Variants in PRKAR1B observed in about 807,000 individuals in gnomAD.
PRKAR1B encodes cAMP-dependent protein kinase type I-beta regulatory subunit.
PRKAR1B carries 22 observed loss-of-function variants against 46.5 expected under a neutral mutation model. That is an observed-to-expected ratio of 0.47 (90% CI 0.34 to 0.68). PRKAR1B has a LOEUF of 0.68. Ranked by LOEUF, PRKAR1B falls within the 30% of genes least tolerant of loss-of-function variation. The pLI, the probability that PRKAR1B is intolerant of heterozygous loss-of-function variation, is 0.01. For synonymous variants in PRKAR1B, 259 were observed against 217.7 expected, an observed-to-expected ratio of 1.19 and a Z score of -1.67; for missense variants, 445 against 535.6, an observed-to-expected ratio of 0.83 and a Z score of 1.67.
chr7:663,914 G>C (rs67542008), intron 4 of PRKAR1B, among the ~76,000 whole-genome samples: 20,726 of 152,190 alleles, frequency 0.14, 1,567 homozygotes, highest in South Asian at 0.28. Flanking sequence ...TGCAGGGCCT[G>C]GTCTCAGGAG....
chr7:609,101 C>T (rs557592265), intron 4 of PRKAR1B, among the ~76,000 whole-genome samples: 1 of 152,118 alleles, frequency 6.6e-6, no homozygotes. Context: ...CTCCACTCTC[C>T]GCCCATGGGT....
chr7:609,596 G>A (rs570338308), intron 4 of PRKAR1B, among the ~76,000 whole-genome samples: 38 of 152,366 alleles, frequency 2.5e-4, no homozygotes, highest in African/African-American at 8.9e-4. Context: ...TGCATTTCCA[G>A]TGGTGTCTGC....
chr7:558,055 T>G (rs1236560398), intron 9 of PRKAR1B, among the ~76,000 whole-genome samples: 1 of 152,016 alleles, frequency 6.6e-6, no homozygotes, highest in African/African-American at 2.4e-5. Flanking sequence ...GGCTCACGCC[T>G]GTAATCCCAG....
rs1781658858 is a variant in PRKAR1B, at chr7:602,226, C to T, written c.549+3967G>A. ...GGAAACGGTCCCTGCTTTGAAGTGGCTCCGGCACCGGCCTCTCCCACCACC... is the reference window on the plus strand; with the variant it reads ...GGAAACGGTCCCTGCTTTGAAGTGGTTCCGGCACCGGCCTCTCCCACCACC... On this transcript the variant is annotated intron_variant, in intron 6 of 10. Coordinates refer to ENST00000537384, the MANE Select transcript of PRKAR1B (RefSeq NM_001164760.2). This position sits in a 1 kb window ranked among gnomAD's most constrained non-coding sequence, Gnocchi z 6.4. Among the ~76,000 whole-genome samples, 1 of 152,106 alleles carries T rather than the reference C, an allele frequency of 6.6e-6. No individual in the cohort carries two copies. Among genetic ancestry groups the T allele is most frequent in the Non-Finnish European group, 1.5e-5 (1 of 68,002 alleles).
chr7:663,510 T>C (rs1262570132), intron 4 of PRKAR1B, among the ~76,000 whole-genome samples: 1 of 152,180 alleles, frequency 6.6e-6, no homozygotes, highest in Non-Finnish European at 1.5e-5. Context: ...GTGCTGGGAT[T>C]ACAGGCGTGA....
intron 4 of PRKAR1B, among the ~76,000 whole-genome samples, chr7:620,045 G>A (rs1418078534): frequency 6.7e-6 from 1 of 149,892 alleles, no homozygotes; most frequent in Non-Finnish European, 1.5e-5. Context: ...TTAGAGATGG[G>A]GTTTCTCTGT....
intron 1 of PRKAR1B, 35 bp downstream of exon 1, chr7:727,175 C>T: frequency 7.5e-7 from 1 of 1,333,218 alleles, no homozygotes; most frequent in Non-Finnish European, 9.6e-7. Context: ...CTGGGCCTGG[C>T]CGTGGACCTG....
intron 2 of PRKAR1B, among the ~76,000 whole-genome samples, chr7:701,960 G>T (rs1313985296): frequency 6.6e-6 from 1 of 152,170 alleles, no homozygotes; most frequent in African/African-American, 2.4e-5. Context: ...AAATACCCAG[G>T]TACATCTTCT....
At chr7:626,943 C>G (rs754591231) in intron 4 of PRKAR1B, among the ~76,000 whole-genome samples, 1 of 152,128 alleles carries the variant, frequency 6.6e-6, no homozygotes, top group Admixed American at 6.6e-5. Flanking sequence ...GGCGTGATCT[C>G]GGCTCACTGC....
chr7:652,543 T>G (rs537962524), intron 4 of PRKAR1B, among the ~76,000 whole-genome samples: 45 of 152,236 alleles, frequency 3.0e-4, no homozygotes, highest in African/African-American at 1.1e-3. Flanking sequence ...GGAAGAAAGT[T>G]CATACCCACG....
At chr7:555,883 CG>C (rs1778395102) in intron 9 of PRKAR1B, among the ~76,000 whole-genome samples, 1 of 152,176 alleles carries the variant, frequency 6.6e-6, no homozygotes, top group Non-Finnish European at 1.5e-5. Context: ...GACGGGAGCC[CG>C]GGAGGCAGAC....
At chr7:630,997 G>C (rs113741952) in intron 4 of PRKAR1B, among the ~76,000 whole-genome samples, 7,752 of 150,364 alleles carry the variant, frequency 0.052, 262 homozygotes, top group Middle Eastern at 0.096. Flanking sequence ...CTGTCACCCA[G>C]GCTGGAGTGC....
chr7:566,460 C>G (rs1421404499), intron 9 of PRKAR1B, among the ~76,000 whole-genome samples: 4 of 150,840 alleles, frequency 2.7e-5, no homozygotes, highest in Non-Finnish European at 5.9e-5. Flanking sequence ...TCATCACCAT[C>G]TTCACCATGA....
chr7:607,644 G>A (rs989721701), intron 4 of PRKAR1B, among the ~76,000 whole-genome samples, 192 bp from the exon 5 acceptor site: 1 of 152,194 alleles, frequency 6.6e-6, no homozygotes, highest in African/African-American at 2.4e-5. Context: ...CGCCAGCCCT[G>A]GGCACACAAC....
At chr7:712,094 G>A (rs1287921288) in intron 1 of PRKAR1B, among the ~76,000 whole-genome samples, 2 of 151,754 alleles carry the variant, frequency 1.3e-5, no homozygotes, top group African/African-American at 4.8e-5. Flanking sequence ...CAAATGCGGC[G>A]GCCGCGCAGC....
At chr7:604,263 A>C (rs1314943838) in intron 6 of PRKAR1B, among the ~76,000 whole-genome samples, 1 of 151,862 alleles carries the variant, frequency 6.6e-6, no homozygotes, top group Non-Finnish European at 1.5e-5. Context: ...CTTTTTTTAA[A>C]CTCGAAGCAA....
At chr7:618,557 G>C (rs1167777531) in intron 4 of PRKAR1B, among the ~76,000 whole-genome samples, 1 of 152,098 alleles carries the variant, frequency 6.6e-6, no homozygotes, top group Non-Finnish European at 1.5e-5. Flanking sequence ...TCTTCAAGGA[G>C]TCCACATACT....
At chr7:590,628 C>T (rs1780919796) in intron 7 of PRKAR1B, among the ~76,000 whole-genome samples, 1 of 152,236 alleles carries the variant, frequency 6.6e-6, no homozygotes, top group Admixed American at 6.5e-5. Flanking sequence ...TCTCCATCAG[C>T]TCTGGGTCAG....
At position 709,371 on chromosome 7, in the gene PRKAR1B, CTT is replaced by C. The variant is rs71016898; in HGVS notation, c.177+1956_177+1957del. On this transcript the variant is annotated intron_variant, in intron 2 of 10. Coordinates refer to ENST00000537384, the MANE Select transcript of PRKAR1B (RefSeq NM_001164760.2). ...TATGCATGTGTGTGTGTATGTATTT[CTT>C]TTTTTTTTTTTTTTTTTGAGACGGA... Among the ~76,000 whole-genome samples, 195 of 95,636 alleles carry C rather than the reference CTT, an allele frequency of 2.0e-3. 1 individual carries two copies. The highest frequency in any genetic ancestry group is 4.0e-3 in the African/African-American group (100 of 25,310). The allele number at this position is 95,636 out of a possible 152,430, so 62.7% of individuals were successfully genotyped here.
Sources: allele counts gnomAD v4.1 joint callset (sites outside exome capture counted in the v4.1 genomes callset), GRCh38; gene constraint gnomAD v4.1.1; non-coding constraint Gnocchi (gnomAD v3.1); transcripts MANE v1.5; gene names NCBI Gene and HGNC (gene_info 2026-07-23, HGNC 2026-07-21).